The following NAV3 variants were observed in gnomAD, a reference collection of about 807,000 sequenced individuals.
NAV3 encodes pore membrane and/or filament interacting like protein 1.
A neutral mutation model predicts 244.7 loss-of-function variants in NAV3; 87 were observed. That is an observed-to-expected ratio of 0.36 (90% CI 0.30 to 0.42). The LOEUF (loss-of-function observed/expected upper bound fraction) is 0.42. NAV3 is among the 20% of genes least tolerant of loss of function. The probability of loss-of-function intolerance (pLI) is 1.00; values close to 1 mark genes in which losing one functional copy is unlikely to be tolerated. For synonymous variants in NAV3, 1,126 were observed against 1,042.2 expected, an observed-to-expected ratio of 1.08 and a Z score of -1.55; for missense variants, 2,663 against 2,893.3, an observed-to-expected ratio of 0.92 and a Z score of 1.83.
intron 24 of NAV3, among the ~76,000 whole-genome samples, chr12:78,170,257 G>C (rs944003631): frequency 2.0e-5 from 3 of 151,676 alleles, no homozygotes; most frequent in African/African-American, 7.3e-5. Context: ...TGCCTCAGTA[G>C]ATAGCACCAC....
chr12:77,840,071 T>TA (rs34153234), intron 1 of NAV3, among the ~76,000 whole-genome samples: 3 of 151,988 alleles, frequency 2.0e-5, no homozygotes, highest in Non-Finnish European at 2.9e-5. Context: ...AGAATCTGTC[T>TA]AAAAAATAAA....
chr12:77,786,950 A>G (rs1870931434), intron 2 of NAV3, among the ~76,000 whole-genome samples: 1 of 152,094 alleles, frequency 6.6e-6, no homozygotes, highest in Non-Finnish European at 1.5e-5. Context: ...ACACTATCCA[A>G]GAAAAAGAGC....
chr12:77,974,770 A>T (rs1868269914), intron 5 of NAV3, among the ~76,000 whole-genome samples: 1 of 152,184 alleles, frequency 6.6e-6, no homozygotes, highest in African/African-American at 2.4e-5. Context: ...TTCCTCTAAT[A>T]TTGGAATGGT....
intron 2 of NAV3, among the ~76,000 whole-genome samples, chr12:77,768,697 T>G (rs1250104096): frequency 1.2e-4 from 19 of 152,186 alleles, no homozygotes; most frequent in Admixed American, 1.2e-3. Context: ...TACAGTTGCC[T>G]AGATCCATAG....
intron 2 of NAV3, among the ~76,000 whole-genome samples, chr12:77,573,733 G>C (rs1038128075): frequency 6.6e-6 from 1 of 152,096 alleles, no homozygotes; most frequent in African/African-American, 2.4e-5. Flanking sequence ...TATTGGGTGG[G>C]TAAAGAGGGA....
chr12:77,680,224 G>C lies in NAV3; in HGVS notation c.72+107958G>C, dbSNP rs530707924. Among the ~76,000 whole-genome samples, 4 of 152,244 alleles carry C rather than the reference G, an allele frequency of 2.6e-5. No homozygotes were observed. The South Asian group carries it at 8.3e-4, about 32-fold the overall frequency. The stretch of plus-strand genomic sequence containing the variant: ...TCAGAACAGACACTTTTATGCCTGT[G>C]GGGAGTGATGTGGGCATGGGCAGGA... On this transcript the variant is annotated intron_variant, in intron 2 of 8. Transcript: ENST00000550042.
intron 2 of NAV3, among the ~76,000 whole-genome samples, chr12:77,612,761 T>C (rs1214011745): frequency 2.0e-5 from 3 of 152,170 alleles, no homozygotes; most frequent in South Asian, 2.1e-4. Flanking sequence ...AAAAGTGATA[T>C]GATTTGGCTG....
intron 2 of NAV3, among the ~76,000 whole-genome samples, chr12:77,624,381 G>GTT (rs1871521463): frequency 6.6e-6 from 1 of 152,124 alleles, no homozygotes; most frequent in Non-Finnish European, 1.5e-5. Flanking sequence ...TGGGAACTCT[G>GTT]TGGTAACCCA....
intron 2 of NAV3, among the ~76,000 whole-genome samples, chr12:77,701,070 G>T (rs981211460): frequency 2.0e-5 from 3 of 151,808 alleles, no homozygotes; most frequent in African/African-American, 7.2e-5. Context: ...ATATTGGCCT[G>T]TTAAATGAGT....
chr12:77,968,002 T>C lies in NAV3; in HGVS notation c.488-517T>C, dbSNP rs573732889. 2.6e-5 allele frequency among the ~76,000 whole-genome samples: 4 copies of C among 152,290 alleles called. No homozygotes were observed. The South Asian group carries it at 8.3e-4, about 32-fold the overall frequency. ...ACATAAATATGTATAAATGAGTTGGTGAGTGGGTGATTTAGAAAGAAAGTT... is the reference window on the plus strand; with the variant it reads ...ACATAAATATGTATAAATGAGTTGGCGAGTGGGTGATTTAGAAAGAAAGTT... On this transcript the variant is annotated intron_variant, in intron 4 of 39. Transcript: ENST00000397909.
intron 9 of NAV3, among the ~76,000 whole-genome samples, chr12:78,027,947 T>A (rs1003997377): frequency 1.3e-5 from 2 of 152,162 alleles, no homozygotes; most frequent in Admixed American, 6.5e-5. Context: ...GGAAGCGTTT[T>A]TTTTTGTTTT....
chr12:78,145,141 AT>A (rs1289300800), intron 20 of NAV3: 7 of 224,028 alleles, frequency 3.1e-5, no homozygotes, highest in Non-Finnish European at 6.5e-5. Flanking sequence ...AAAAAATAAA[AT>A]CTTTCCTTAA....
intron 2 of NAV3, among the ~76,000 whole-genome samples, chr12:77,765,402 A>AT (rs1385723911): frequency 1.3e-5 from 2 of 152,236 alleles, no homozygotes; most frequent in Non-Finnish European, 2.9e-5. Flanking sequence ...ATCAGTTTCA[A>AT]TGAGGTGCCT....
intron 1 of NAV3, among the ~76,000 whole-genome samples, chr12:77,933,633 A>G (rs1889042512): frequency 1.3e-5 from 2 of 152,192 alleles, no homozygotes; most frequent in Admixed American, 1.3e-4. Flanking sequence ...AACTAGCTAG[A>G]TGGTGAATGT....
Position 77,756,161 on chromosome 12 carries a change from C to T in NAV3, c.72+183895C>T, listed in dbSNP as rs180950357. Among the ~76,000 whole-genome samples, 458 of 152,000 alleles carry T rather than the reference C, an allele frequency of 3.0e-3. 3 individuals carry two copies. The highest frequency in any genetic ancestry group is 0.011 in the African/African-American group (436 of 41,468). ...TATATGATATAATATATACAAAGAC[C>T]GCCACCAGGTAGTTTTTTAATGCTT... On this transcript the variant is annotated intron_variant, in intron 2 of 8. Coordinates refer to the NAV3 transcript ENST00000550042.
At chr12:78,189,604 T>A (rs925515919) in intron 33 of NAV3, among the ~76,000 whole-genome samples, 1 of 151,414 alleles carries the variant, frequency 6.6e-6, no homozygotes, top group African/African-American at 2.4e-5. Context: ...TCTTCACATT[T>A]ATTCTTCACA....
At chr12:77,669,167 C>T (rs1592563096) in intron 2 of NAV3, among the ~76,000 whole-genome samples, 1 of 152,246 alleles carries the variant, frequency 6.6e-6, no homozygotes, top group East Asian at 1.9e-4. Context: ...TTTGCCATTA[C>T]CAAGACAGCA....
At chr12:78,054,439 T>C (rs940821523) in intron 11 of NAV3, among the ~76,000 whole-genome samples, 2 of 152,130 alleles carry the variant, frequency 1.3e-5, no homozygotes, top group Admixed American at 6.5e-5. Flanking sequence ...CTATGTAAAA[T>C]ACTATATCTT....
chr12:77,695,913 T>A (rs752135636), intron 2 of NAV3, among the ~76,000 whole-genome samples: 3 of 152,142 alleles, frequency 2.0e-5, no homozygotes, highest in Non-Finnish European at 4.4e-5. Context: ...CCAGAGAAGA[T>A]TATGAAAGTT....
Sources: gnomAD v4.1 joint callset for allele counts (sites outside exome capture counted in the v4.1 genomes callset) on GRCh38, gnomAD v4.1.1 for gene constraint, MANE v1.5 for transcripts, NCBI Gene and HGNC (gene_info 2026-07-23, HGNC 2026-07-21) for gene names.